The following PDZRN3 variants were observed in gnomAD, a reference collection of about 807,000 sequenced individuals.
PDZRN3 encodes E3 ubiquitin-protein ligase PDZRN3.
A neutral mutation model predicts 85.7 loss-of-function variants in PDZRN3; 38 were observed. The observed-to-expected ratio is 0.44, with a 90% CI of 0.34 to 0.58. The LOEUF (loss-of-function observed/expected upper bound fraction) is 0.58, where lower values mean the gene tolerates loss of function less well. PDZRN3 is among the 20% of genes least tolerant of loss of function. PDZRN3 has a pLI of 0.01. For synonymous variants in PDZRN3, 759 were observed against 638.0 expected (o/e 1.19, Z -2.86); for missense variants, 1,629 against 1,506.4 (o/e 1.08, Z -1.35).
Position 73,599,262 on chromosome 3 carries a change from A to G in PDZRN3, c.918+3092T>C, listed in dbSNP as rs571663719. On this transcript the variant is annotated intron_variant, in intron 3 of 9. Coordinates refer to ENST00000263666, the MANE Select transcript of PDZRN3 (RefSeq NM_015009.3). Reference sequence around the variant, plus strand: ...AAATACAGACAACAGAATGTTATTTAGCCTTAAAGAGGAAGAAAATTATAA... The same window carrying G: ...AAATACAGACAACAGAATGTTATTTGGCCTTAAAGAGGAAGAAAATTATAA... Among the ~76,000 whole-genome samples, 129 of 152,352 alleles carry G rather than the reference A, an allele frequency of 8.5e-4. No individual in the cohort carries two copies. In the Middle Eastern group the frequency reaches 0.014, roughly 16 times the overall value.
intron 3 of PDZRN3, among the ~76,000 whole-genome samples, chr3:73,580,956 G>T (rs970534805): frequency 1.3e-5 from 2 of 152,118 alleles, no homozygotes; most frequent in African/African-American, 4.8e-5. Context: ...TGCTGTATCC[G>T]GTTAACAACT....
At chr3:73,525,866 T>C (rs906149799) in intron 3 of PDZRN3, among the ~76,000 whole-genome samples, 2 of 152,230 alleles carry the variant, frequency 1.3e-5, no homozygotes, top group East Asian at 1.9e-4. Context: ...CTTTCCTTCA[T>C]GGCACTTAGC....
At chr3:73,608,933 C>T (rs1702643540) in intron 1 of PDZRN3, among the ~76,000 whole-genome samples, 1 of 152,098 alleles carries the variant, frequency 6.6e-6, no homozygotes, top group South Asian at 2.1e-4. Flanking sequence ...TGGAGATGTC[C>T]AGACATGCCC....
chr3:73,417,196 A>G (rs879406402), intron 3 of PDZRN3, among the ~76,000 whole-genome samples: 38 of 152,264 alleles, frequency 2.5e-4, no homozygotes, highest in African/African-American at 8.9e-4. Context: ...ATGTAACTCC[A>G]TCGTAAGTTA....
intron 3 of PDZRN3, among the ~76,000 whole-genome samples, chr3:73,433,306 CA>C (rs945940084): frequency 6.9e-6 from 1 of 144,454 alleles, no homozygotes; most frequent in Admixed American, 6.9e-5. Flanking sequence ...CTAACTTGTT[CA>C]AAGGGTGCAT....
At position 73,624,564 on chromosome 3, in the gene PDZRN3, CG is replaced by C; in HGVS notation, c.261del (p.Gly88AlafsTer63). 1 of 1,532,578 alleles carries C rather than the reference CG, an allele frequency of 6.5e-7. No homozygotes were observed. 94.9% of individuals were successfully genotyped at this position (1,532,578 alleles called of 1,614,324 possible). A position where few individuals can be genotyped will look rare whatever the true frequency, so the allele number is the denominator to read the frequency against. On this transcript the variant is annotated frameshift_variant, in exon 1 of 10. Transcript: ENST00000263666. LOFTEE classifies it high-confidence loss of function. Reference protein sequence around the residue: ...KLDIKCAYATRGCGRVVKLQQ... With the variant: ...KLDIKCAYATXGCGRVVKLQQ... ...TGCAGCTTGACCACCCGGCCGCAGC[CG>C]CGCGTCGCGTACGCGCACTTGATGT...
intron 3 of PDZRN3, among the ~76,000 whole-genome samples, chr3:73,596,971 A>C (rs537048961): frequency 3.3e-5 from 5 of 152,334 alleles, no homozygotes; most frequent in Non-Finnish European, 7.4e-5. Flanking sequence ...GATAAAGAGT[A>C]GAGGAAGAAA....
At chr3:73,393,624 T>C (rs537544519) in intron 5 of PDZRN3, among the ~76,000 whole-genome samples, 3 of 152,298 alleles carry the variant, frequency 2.0e-5, no homozygotes, top group African/African-American at 7.2e-5. Context: ...ACCTGGTCCT[T>C]GTGGCTTTTC....
At chr3:73,394,117 A>G (rs1701587697) in intron 5 of PDZRN3, among the ~76,000 whole-genome samples, 1 of 152,232 alleles carries the variant, frequency 6.6e-6, no homozygotes, top group African/African-American at 2.4e-5. Context: ...AAGATATTCA[A>G]AACATTTATT....
intron 5 of PDZRN3, among the ~76,000 whole-genome samples, chr3:73,399,338 A>G (rs1701703567): frequency 6.6e-6 from 1 of 152,208 alleles, no homozygotes; most frequent in South Asian, 2.1e-4. Flanking sequence ...TTTCTCCAAC[A>G]GTGTTCCAGA....
intron 2 of PDZRN3, among the ~76,000 whole-genome samples, chr3:73,605,619 C>T (rs1454396165): frequency 6.6e-6 from 1 of 152,208 alleles, no homozygotes; most frequent in Non-Finnish European, 1.5e-5. Flanking sequence ...GAAACACAGA[C>T]ATCATTTGTA....
At chr3:73,566,799 C>G (rs551622510) in intron 3 of PDZRN3, among the ~76,000 whole-genome samples, 1 of 152,134 alleles carries the variant, frequency 6.6e-6, no homozygotes, top group African/African-American at 2.4e-5. Flanking sequence ...GACAAGAAAA[C>G]GGTGTCTTGC....
intron 3 of PDZRN3, among the ~76,000 whole-genome samples, chr3:73,427,129 T>C (rs1478253394): frequency 6.6e-6 from 1 of 152,176 alleles, no homozygotes; most frequent in African/African-American, 2.4e-5. Flanking sequence ...CACCAATGAA[T>C]ACACAACTCA....
chr3:73,535,899 A>C (rs1328192725), intron 3 of PDZRN3, among the ~76,000 whole-genome samples: 1 of 152,196 alleles, frequency 6.6e-6, no homozygotes, highest in Non-Finnish European at 1.5e-5. Context: ...TTAGGAATTA[A>C]CTGCAGGTAA....
At position 73,430,667 on chromosome 3, in the gene PDZRN3, T is replaced by G. The variant is rs532945822; in HGVS notation, c.919-26272A>C. ...ATCAAACCCACAGAGCCACAGACTT[T>G]CCCATCCTTACACCCCCAACTCCCA... On this transcript the variant is annotated intron_variant, in intron 3 of 9. Coordinates refer to ENST00000263666, the MANE Select transcript of PDZRN3 (RefSeq NM_015009.3). Among the ~76,000 whole-genome samples the G allele has an allele frequency of 3.4e-4, 51 of 152,078 alleles. 1 individual carries two copies. Among genetic ancestry groups the G allele is most frequent in the Non-Finnish European group, 6.9e-4 (47 of 68,012 alleles).
chr3:73,533,377 T>A (rs139765833), intron 3 of PDZRN3, among the ~76,000 whole-genome samples: 1 of 152,148 alleles, frequency 6.6e-6, no homozygotes, highest in African/African-American at 2.4e-5. Flanking sequence ...TCTACCTCTA[T>A]CCACTTACTC....
chr3:73,549,789 G>A (rs547344621), intron 3 of PDZRN3, among the ~76,000 whole-genome samples: 1 of 152,318 alleles, frequency 6.6e-6, no homozygotes, highest in East Asian at 1.9e-4. Flanking sequence ...TCGTACTTCT[G>A]TGCCATATTT....
rs768620744 is a variant in PDZRN3 at position 73,384,669 on chromosome 3, C to A, written c.1897G>T (p.Ala633Ser). The A allele has an allele frequency of 1.9e-6, 3 of 1,613,992 alleles. No homozygotes were observed. In the African/African-American group the frequency reaches 4.0e-5, roughly 22 times the overall value. The change falls in exon 10 of 10, where the codon GCC becomes TCC. Residue 633 changes from alanine to serine, a missense_variant. Coordinates refer to ENST00000263666, the MANE Select transcript of PDZRN3 (RefSeq NM_015009.3). ...TCCACCGGGATCCCCAGGTAGTCGG[C>A]GTCCGTGCAGTCGGCCGAAATGAAA... ...ESFISADCTD[A>S]DYLGIPVDEC...
At chr3:73,389,327 T>G (rs1034294797) in intron 7 of PDZRN3, among the ~76,000 whole-genome samples, 5 of 152,104 alleles carry the variant, frequency 3.3e-5, no homozygotes, top group Non-Finnish European at 7.4e-5. Context: ...TCCAGGATGG[T>G]TAGATGTTGA....
Sources: allele counts gnomAD v4.1 joint callset (sites outside exome capture counted in the v4.1 genomes callset), GRCh38; gene constraint gnomAD v4.1.1; transcripts MANE v1.5; gene names NCBI Gene and HGNC (gene_info 2026-07-23, HGNC 2026-07-21).